KCNJ6: variants seen among roughly 807,000 people sequenced by gnomAD.
KCNJ6 encodes the protein G protein-activated inward rectifier potassium channel 2.
Under a neutral mutation model 34.2 loss-of-function variants are expected in KCNJ6, and 9 were observed. That is an observed-to-expected ratio of 0.26 (90% confidence interval 0.16 to 0.46). The LOEUF (loss-of-function observed/expected upper bound fraction) is 0.46. Ranked by LOEUF, KCNJ6 falls within the 20% of genes least tolerant of loss-of-function variation. The pLI, the probability that KCNJ6 is intolerant of heterozygous loss-of-function variation, is 1.00. For missense variants in KCNJ6, 236 were observed against 531.3 expected (o/e 0.44, Z 5.46); for synonymous variants, 196 against 207.1 (o/e 0.95, Z 0.46).
intron 2 of KCNJ6, among the ~76,000 whole-genome samples, chr21:37,718,252 T>C (rs1201142191): frequency 6.6e-6 from 1 of 152,160 alleles, no homozygotes; most frequent in Non-Finnish European, 1.5e-5. Flanking sequence ...TCCTGAGTCA[T>C]GGGTGGAGAG....
At position 37,614,520 on chromosome 21, in the gene KCNJ6, G is replaced by A. The variant is rs2054256090; in HGVS notation, c.*10639C>T. The A allele has an allele frequency of 7.5e-6, 1 of 132,954 alleles. No homozygotes were observed. The highest frequency in any genetic ancestry group is 7.2e-5 in the Admixed American group (1 of 13,826). 8.2% of individuals were successfully genotyped at this position (132,954 alleles called of 1,614,324 possible). On this transcript the variant is annotated 3_prime_UTR_variant, in exon 4 of 4. Coordinates refer to ENST00000609713, the MANE Select transcript of KCNJ6 (RefSeq NM_002240.5). ...TGTATGCATGTGTCTCTGTATGCAT[G>A]TGTGTATGCATGTCTCTGTGTATGC...
intron 2 of KCNJ6, among the ~76,000 whole-genome samples, chr21:37,716,130 A>G (rs1375872043): frequency 1.3e-5 from 2 of 152,192 alleles, no homozygotes; most frequent in Admixed American, 1.3e-4. Context: ...TGTTTAGGGC[A>G]AGAGTCTTGA....
intron 3 of KCNJ6, among the ~76,000 whole-genome samples, chr21:37,669,193 CCACCTAT>C (rs964272126): frequency 1.6e-4 from 24 of 152,300 alleles, no homozygotes; most frequent in African/African-American, 5.8e-4. Context: ...ATCTTTGAAT[CCACCTAT>C]GACCTGTAAG....
chr21:37,876,527 G>A (rs982859164), intron 1 of KCNJ6, among the ~76,000 whole-genome samples: 4 of 151,978 alleles, frequency 2.6e-5, no homozygotes, highest in Non-Finnish European at 5.9e-5. Context: ...GCCTAAAGAA[G>A]ACAATTAAAA....
At chr21:37,787,400 G>A (rs2055197706) in intron 2 of KCNJ6, among the ~76,000 whole-genome samples, 1 of 152,160 alleles carries the variant, frequency 6.6e-6, no homozygotes, top group Admixed American at 6.5e-5. Flanking sequence ...AGGCTGGCCA[G>A]GGGTCATACT....
At chr21:37,834,527 A>G (rs2055442242) in intron 2 of KCNJ6, among the ~76,000 whole-genome samples, 1 of 152,192 alleles carries the variant, frequency 6.6e-6, no homozygotes, top group African/African-American at 2.4e-5. Flanking sequence ...TTTGCCCCCA[A>G]ATGTTGCGCC....
intron 2 of KCNJ6, among the ~76,000 whole-genome samples, chr21:37,814,606 A>G (rs182890942): frequency 2.8e-4 from 43 of 152,346 alleles, no homozygotes; most frequent in African/African-American, 9.1e-4. Flanking sequence ...AGCCATAAAA[A>G]GAATGAGATC....
At chr21:37,900,490 C>T (rs1335661014) in intron 1 of KCNJ6, among the ~76,000 whole-genome samples, 1 of 152,104 alleles carries the variant, frequency 6.6e-6, no homozygotes, top group Non-Finnish European at 1.5e-5. Context: ...TTGCAGGAGA[C>T]AGAAAATAAA....
chr21:37,912,460 T>A (rs546320902), intron 1 of KCNJ6, among the ~76,000 whole-genome samples: 2 of 152,326 alleles, frequency 1.3e-5, no homozygotes, highest in African/African-American at 4.8e-5. Flanking sequence ...AATTGAACTT[T>A]AGAACTCAGA....
intron 2 of KCNJ6, among the ~76,000 whole-genome samples, chr21:37,743,431 C>T (rs1482866282): frequency 2.6e-5 from 4 of 152,150 alleles, no homozygotes; most frequent in Admixed American, 6.5e-5. Flanking sequence ...GTCTTCTCCA[C>T]AACTCATGTG....
rs527251410 is a variant in KCNJ6, at chr21:37,758,580, G to C, written c.26-43449C>G. Among the ~76,000 whole-genome samples the C allele has an allele frequency of 1.9e-3, 289 of 152,342 alleles. 1 individual carries two copies. Among genetic ancestry groups the C allele is most frequent in the African/African-American group, 6.6e-3 (273 of 41,580 alleles). ...TACCCGTCAACTCTTATGAGCCAGA[G>C]GAACTGGCTCTAGTACAAATAAGCC... is the stretch of plus-strand genomic sequence containing the variant. On this transcript the variant is annotated intron_variant, in intron 2 of 3. Coordinates refer to ENST00000609713, the MANE Select transcript of KCNJ6 (RefSeq NM_002240.5).
chr21:37,721,581 TC>T (rs1236174688), intron 2 of KCNJ6, among the ~76,000 whole-genome samples: 3 of 152,208 alleles, frequency 2.0e-5, no homozygotes, highest in Non-Finnish European at 4.4e-5. Context: ...GGATTATTAC[TC>T]AGCCTTAAAA....
At chr21:37,815,293 A>T (rs958742427) in intron 2 of KCNJ6, among the ~76,000 whole-genome samples, 5 of 152,260 alleles carry the variant, frequency 3.3e-5, no homozygotes, top group Non-Finnish European at 7.3e-5. Flanking sequence ...AACATAAAGG[A>T]TAAATGCTTG....
chr21:37,650,177 A>C (rs2054426760), intron 3 of KCNJ6, among the ~76,000 whole-genome samples: 1 of 152,182 alleles, frequency 6.6e-6, no homozygotes, highest in Non-Finnish European at 1.5e-5. Context: ...CCACACATTA[A>C]GCCCAGGTTT....
At chr21:37,731,070 T>C (rs2123467525) in intron 2 of KCNJ6, among the ~76,000 whole-genome samples, 1 of 147,860 alleles carries the variant, frequency 6.8e-6, no homozygotes, top group East Asian at 2.1e-4. Context: ...TTGTCTTCTT[T>C]CCTTTCTGCC....
chr21:37,639,250 C>T (rs1056910968), intron 3 of KCNJ6, among the ~76,000 whole-genome samples: 1 of 152,226 alleles, frequency 6.6e-6, no homozygotes, highest in African/African-American at 2.4e-5. Flanking sequence ...GTGATGGTAG[C>T]AGTCTTCCTT....
chr21:37,834,216 G>A (rs531355072), intron 2 of KCNJ6, among the ~76,000 whole-genome samples: 211 of 152,268 alleles, frequency 1.4e-3, no homozygotes, highest in African/African-American at 4.8e-3. Flanking sequence ...TTACCCACAG[G>A]AAAAATTCAA....
intron 3 of KCNJ6, among the ~76,000 whole-genome samples, chr21:37,660,932 C>G (rs1042652400): frequency 1.3e-5 from 2 of 152,222 alleles, no homozygotes; most frequent in African/African-American, 4.8e-5. Flanking sequence ...ATTGATGGAA[C>G]ATCTCTGACA....
At chr21:37,726,789 C>G (rs777797524) in intron 2 of KCNJ6, among the ~76,000 whole-genome samples, 1 of 152,156 alleles carries the variant, frequency 6.6e-6, no homozygotes, top group Non-Finnish European at 1.5e-5. Context: ...TTTTGAATAA[C>G]CAAAACAAAT....
Sources: gnomAD v4.1 joint callset for allele counts (sites outside exome capture counted in the v4.1 genomes callset) on GRCh38, gnomAD v4.1.1 for gene constraint, MANE v1.5 for transcripts, NCBI Gene and HGNC (gene_info 2026-07-23, HGNC 2026-07-21) for gene names.